The following DYM variants were observed in gnomAD, a reference collection of about 807,000 sequenced individuals.
DYM encodes dyggve-Melchior-Clausen syndrome protein.
Under a neutral mutation model 93.1 loss-of-function variants are expected in DYM, and 78 were observed. That is an observed-to-expected ratio of 0.84 (90% confidence interval 0.70 to 1.01). DYM has a LOEUF of 1.01. DYM is among the 50% of genes least tolerant of loss of function. The pLI, the probability that DYM is intolerant of heterozygous loss-of-function variation, is 0.00. For missense variants in DYM, 789 were observed against 845.0 expected (o/e 0.93, Z 0.82); for synonymous variants, 321 against 319.7 (o/e 1.00, Z -0.04).
chr18:49,386,396 A>AC lies in DYM; in HGVS notation c.193+5196dup, dbSNP rs2068626653. On this transcript the variant is annotated intron_variant, in intron 3 of 17. Coordinates refer to ENST00000675505, the MANE Select transcript of DYM (RefSeq NM_001353214.3). Reference sequence around the variant, plus strand: ...AAATAGTACCTCAGCCAAGTGATCAACATCAACACCATCAGTGATAAGTCA... The same window carrying AC: ...AAATAGTACCTCAGCCAAGTGATCAACCATCAACACCATCAGTGATAAGTCA... Among the ~76,000 whole-genome samples, 2 of 152,208 alleles carry AC rather than the reference A, an allele frequency of 1.3e-5. 1 individual carries two copies. Among genetic ancestry groups the AC allele is most frequent in the South Asian group, 4.1e-4 (2 of 4,832 alleles).
At chr18:49,065,115 C>A (rs1198574654) in intron 17 of DYM, among the ~76,000 whole-genome samples, 2 of 152,022 alleles carry the variant, frequency 1.3e-5, no homozygotes, top group Non-Finnish European at 2.9e-5. Context: ...CTAAAAAATA[C>A]AAATTGGCTG....
chr18:49,207,283 C>T (rs537115783), intron 14 of DYM, among the ~76,000 whole-genome samples: 1 of 152,170 alleles, frequency 6.6e-6, no homozygotes, highest in African/African-American at 2.4e-5. Flanking sequence ...TAACAATGAA[C>T]AAGATATAGT....
At chr18:49,367,509 A>C (rs2066628400) in intron 5 of DYM, among the ~76,000 whole-genome samples, 1 of 152,238 alleles carries the variant, frequency 6.6e-6, no homozygotes, top group Non-Finnish European at 1.5e-5. Context: ...GAAGCAGAGA[A>C]CAGTACAATA....
At chr18:49,304,487 T>C (rs1429953502) in intron 8 of DYM, among the ~76,000 whole-genome samples, 2 of 152,198 alleles carry the variant, frequency 1.3e-5, no homozygotes, top group Non-Finnish European at 2.9e-5. Flanking sequence ...AAAAACCTTC[T>C]ATATTGTCAA....
intron 13 of DYM, among the ~76,000 whole-genome samples, chr18:49,217,293 G>C (rs1319353420): frequency 6.6e-6 from 1 of 152,220 alleles, no homozygotes; most frequent in African/African-American, 2.4e-5. Flanking sequence ...GTACCTGAAA[G>C]TGACGGGGAG....
chr18:49,290,689 T>C (rs548709002), intron 8 of DYM, among the ~76,000 whole-genome samples: 27 of 152,078 alleles, frequency 1.8e-4, no homozygotes, highest in Non-Finnish European at 3.2e-4. Flanking sequence ...CTCCATTTGT[T>C]TTAAGAACTT....
intron 15 of DYM, among the ~76,000 whole-genome samples, chr18:49,119,416 G>A (rs2082185786): frequency 6.6e-6 from 1 of 152,124 alleles, no homozygotes; most frequent in Non-Finnish European, 1.5e-5. Context: ...TCCTCATAAT[G>A]AATAGTCTTT....
At chr18:49,286,802 G>T (rs183562977) in intron 8 of DYM, among the ~76,000 whole-genome samples, 186 bp from the exon 9 acceptor site, 1 of 152,290 alleles carries the variant, frequency 6.6e-6, no homozygotes, top group East Asian at 1.9e-4. Context: ...AAGATTGACT[G>T]TATTTACAAC....
At position 49,350,578 on chromosome 18, in the gene DYM, C is replaced by T. The variant is rs1231147066; in HGVS notation, c.494+12583G>A. 4.6e-5 allele frequency among the ~76,000 whole-genome samples: 7 copies of T among 151,942 alleles called. No homozygotes were observed. The South Asian group carries it at 6.3e-4, about 14-fold the overall frequency. On this transcript the variant is annotated intron_variant, in intron 6 of 17. Transcript: ENST00000675505. ...AAACTAAACTGAGCATGGTGGCGGG[C>T]GCCTGTAATTCCAGCTACCTGGGAG...
chr18:49,176,574 CTTTT>C (rs36121103), intron 14 of DYM, among the ~76,000 whole-genome samples: 3 of 99,438 alleles, frequency 3.0e-5, no homozygotes, highest in African/African-American at 4.2e-5. Context: ...CCAAGCCTGG[CTTTT>C]TTTTTTTTTT....
Position 49,333,768 on chromosome 18 carries a change from G to A in DYM, c.580C>T (p.Arg194Ter), listed in dbSNP as rs752075665. The change falls in exon 7 of 18, where the codon CGA becomes TGA. Residue 194 changes from arginine (R) to a stop codon, truncating the protein, a stop_gained. Transcript: ENST00000675505. LOFTEE classifies it high-confidence loss of function. ...AAATACTTGTGGCTGATGCTCTGTC[G>A]CAAAACTTCTTTGTGGAAGAGTTGG... ...SCQLFHKEVL[R>*]QSISHKYLMR... 10 of 1,613,898 alleles carry A rather than the reference G, an allele frequency of 6.2e-6. No homozygotes were observed. The highest frequency in any genetic ancestry group is 2.2e-5 in the South Asian group (2 of 91,078).
chr18:49,248,113 A>T (rs932897146), intron 13 of DYM, among the ~76,000 whole-genome samples: 3 of 152,222 alleles, frequency 2.0e-5, no homozygotes, highest in Non-Finnish European at 4.4e-5. Flanking sequence ...TAAAAAATGA[A>T]ATCATATACA....
At chr18:49,244,353 T>C (rs1434414090) in intron 13 of DYM, among the ~76,000 whole-genome samples, 1 of 152,180 alleles carries the variant, frequency 6.6e-6, no homozygotes. Flanking sequence ...CAGTAACTAC[T>C]GAAAGATAGT....
At chr18:49,409,939 T>C (rs1277700194) in intron 2 of DYM, among the ~76,000 whole-genome samples, 1 of 152,214 alleles carries the variant, frequency 6.6e-6, no homozygotes, top group Non-Finnish European at 1.5e-5. Flanking sequence ...CTATACGTAG[T>C]ACCTAAAGAA....
intron 2 of DYM, among the ~76,000 whole-genome samples, chr18:49,419,506 T>C (rs767110871): frequency 6.6e-5 from 10 of 152,350 alleles, no homozygotes; most frequent in South Asian, 2.1e-4. Context: ...GTCACTATTT[T>C]TTAAGAAGTT....
intron 8 of DYM, among the ~76,000 whole-genome samples, chr18:49,289,727 GTATATATATATATA>G (rs386387632): frequency 0.18 from 15,245 of 84,736 alleles, 1,493 homozygotes; most frequent in Middle Eastern, 0.24. Context: ...ATATATATGT[GTATATATATATATA>G]TATATATATA....
At chr18:49,328,616 G>A (rs1378707994) in intron 8 of DYM, among the ~76,000 whole-genome samples, 1 of 152,122 alleles carries the variant, frequency 6.6e-6, no homozygotes, top group Non-Finnish European at 1.5e-5. Context: ...CCATCAAAAA[G>A]TGGGCAAAGG....
chr18:49,297,379 G>A (rs558319549), intron 8 of DYM, among the ~76,000 whole-genome samples: 47 of 152,150 alleles, frequency 3.1e-4, no homozygotes, highest in South Asian at 6.2e-4. Flanking sequence ...CTAACCTAGC[G>A]TATTAGAAGT....
intron 3 of DYM, among the ~76,000 whole-genome samples, chr18:49,390,531 A>T (rs2069110985): frequency 6.6e-6 from 1 of 151,886 alleles, no homozygotes; most frequent in Non-Finnish European, 1.5e-5. Context: ...TTTTTGAGAC[A>T]GAGTCTCGCT....
Sources: gnomAD v4.1 joint callset for allele counts (sites outside exome capture counted in the v4.1 genomes callset) on GRCh38, gnomAD v4.1.1 for gene constraint, MANE v1.5 for transcripts, NCBI Gene and HGNC (gene_info 2026-07-23, HGNC 2026-07-21) for gene names.